CERT1: variants seen among roughly 807,000 people sequenced by gnomAD.
CERT1 encodes the protein ceramide transporter 1, also known as ceramide transfer protein.
A neutral mutation model predicts 87.9 loss-of-function variants in CERT1; 31 were observed. The ratio of observed to expected loss-of-function variants is 0.35; its 90% CI spans 0.27 to 0.48. The LOEUF (loss-of-function observed/expected upper bound fraction) is 0.48. Ranked by LOEUF, CERT1 falls within the 20% of genes least tolerant of loss-of-function variation. The pLI, the probability that CERT1 is intolerant of heterozygous loss-of-function variation, is 0.99. For synonymous variants in CERT1, 289 were observed against 250.9 expected, an observed-to-expected ratio of 1.15 and a Z score of -1.44; for missense variants, 487 against 758.0, an observed-to-expected ratio of 0.64 and a Z score of 4.20.
chr5:75,438,290 A>C (rs1029568659), intron 3 of CERT1, among the ~76,000 whole-genome samples: 1 of 152,190 alleles, frequency 6.6e-6, no homozygotes, highest in Non-Finnish European at 1.5e-5. Flanking sequence ...TGTTCTAAAA[A>C]ACTGATAAAA....
intron 2 of CERT1, among the ~76,000 whole-genome samples, chr5:75,480,645 A>G (rs1360693559): frequency 4.6e-5 from 7 of 152,184 alleles, no homozygotes; most frequent in African/African-American, 1.7e-4. Context: ...ATCTTCTGAT[A>G]ATGCCTAACA....
At chr5:75,502,136 C>CA (rs933127673) in intron 2 of CERT1, among the ~76,000 whole-genome samples, 19 of 147,008 alleles carry the variant, frequency 1.3e-4, no homozygotes, top group South Asian at 4.4e-4. Flanking sequence ...AAAGAAAAAC[C>CA]AAAAAAAAAG....
chr5:75,384,577 A>G, intron 14 of CERT1, 65 bp downstream of exon 14: 1 of 1,121,842 alleles, frequency 8.9e-7, no homozygotes, highest in Non-Finnish European at 1.3e-6. Flanking sequence ...TTTACTTTAG[A>G]GAATCTATAT....
intron 2 of CERT1, among the ~76,000 whole-genome samples, chr5:75,477,641 A>G (rs1204443882): frequency 7.6e-6 from 1 of 131,136 alleles, no homozygotes; most frequent in Non-Finnish European, 1.6e-5. Flanking sequence ...AAGGTCTAAT[A>G]AGTTGTAAAA....
chr5:75,483,475 TAAC>T (rs1416561971), intron 2 of CERT1, among the ~76,000 whole-genome samples: 26 of 152,026 alleles, frequency 1.7e-4, no homozygotes, highest in Admixed American at 1.2e-3. Context: ...TTCAAAGCGA[TAAC>T]AACAGAGAAA....
intron 3 of CERT1, among the ~76,000 whole-genome samples, chr5:75,431,958 T>C (rs1162367781): frequency 6.6e-6 from 1 of 152,178 alleles, no homozygotes; most frequent in African/African-American, 2.4e-5. Context: ...GGTCAAATGG[T>C]AGTTCTGTTT....
chr5:75,508,566 A>ATG (rs1239631389), intron 1 of CERT1, among the ~76,000 whole-genome samples: 1 of 152,090 alleles, frequency 6.6e-6, no homozygotes, highest in Non-Finnish European at 1.5e-5. Flanking sequence ...TGCTCTCATA[A>ATG]TGTTCCCTCA....
At chr5:75,412,956 A>C (rs1028678778) in intron 7 of CERT1, among the ~76,000 whole-genome samples, 1 of 152,194 alleles carries the variant, frequency 6.6e-6, no homozygotes. Context: ...TTACTTTATA[A>C]ACTTTTTAAT....
chr5:75,444,191 G>A (rs1042767781), intron 3 of CERT1, among the ~76,000 whole-genome samples: 2 of 152,034 alleles, frequency 1.3e-5, no homozygotes, highest in Admixed American at 1.3e-4. Context: ...GAGTAGCTGG[G>A]ATTACAGGCA....
At chr5:75,499,979 C>T (rs1160693745) in intron 2 of CERT1, among the ~76,000 whole-genome samples, 1 of 152,158 alleles carries the variant, frequency 6.6e-6, no homozygotes, top group Non-Finnish European at 1.5e-5. Flanking sequence ...AATGAGATAA[C>T]AGTGGAGTAG....
chr5:75,477,734 T>C (rs1766033836), intron 2 of CERT1, among the ~76,000 whole-genome samples: 1 of 151,476 alleles, frequency 6.6e-6, no homozygotes. Context: ...ATCCAGCTAT[T>C]TTAATAAGCA....
chr5:75,431,127 T>C (rs917950562), intron 3 of CERT1, among the ~76,000 whole-genome samples: 1 of 152,232 alleles, frequency 6.6e-6, no homozygotes, highest in Non-Finnish European at 1.5e-5. Flanking sequence ...AATTGCATGC[T>C]GCTGGAGTTT....
At chr5:75,428,648 G>T (rs539568412) in intron 3 of CERT1, among the ~76,000 whole-genome samples, 1 of 148,574 alleles carries the variant, frequency 6.7e-6, no homozygotes, top group Admixed American at 6.7e-5. Flanking sequence ...ACTGCAGTCT[G>T]ACATGGGTGA....
chr5:75,505,579 T>G (rs182007551), intron 2 of CERT1: 296 of 152,630 alleles, frequency 1.9e-3, no homozygotes, highest in Non-Finnish European at 3.1e-3. Context: ...GAGATGGCAT[T>G]AGCTCAATGT....
At position 75,379,144 on chromosome 5, in the gene CERT1, T is replaced by C; in HGVS notation, c.*202A>G. ...TTGCAGTGAGCCGTGATGGTGTCAT[T>C]GCACTTCAGCTTAGGAAACAGAGCA... is the stretch of plus-strand genomic sequence containing the variant. On this transcript the variant is annotated 3_prime_UTR_variant, in exon 17 of 17. Transcript: ENST00000643780. 1.9e-6 allele frequency: 1 copy of C among 512,828 alleles called. No homozygotes were observed. Among genetic ancestry groups the C allele is most frequent in the Admixed American group, 3.3e-5 (1 of 29,894 alleles). 31.8% of individuals were successfully genotyped at this position (512,828 alleles called of 1,614,324 possible).
chr5:75,400,057 G>A (rs1189992716), intron 10 of CERT1, 148 bp downstream of exon 10: 4 of 571,394 alleles, frequency 7.0e-6, no homozygotes, highest in East Asian at 3.0e-5. Context: ...TCTTGAACCC[G>A]GGAGGTGGAG....
At chr5:75,454,269 A>G (rs1764880549) in intron 3 of CERT1, among the ~76,000 whole-genome samples, 1 of 152,206 alleles carries the variant, frequency 6.6e-6, no homozygotes, top group Non-Finnish European at 1.5e-5. Context: ...CCACTTAGCT[A>G]GTATTAGTTG....
chr5:75,369,269 C>T (rs542172200), intron 17 of CERT1: 2 of 152,228 alleles, frequency 1.3e-5, no homozygotes, highest in African/African-American at 4.8e-5. Flanking sequence ...TTTATCGGAA[C>T]GCAGCCCCAT....
intron 4 of CERT1, 62 bp downstream of exon 4, chr5:75,426,309 A>C: frequency 8.5e-7 from 1 of 1,172,096 alleles, no homozygotes. Flanking sequence ...TGTTCTGTTC[A>C]CAACATCCAA....
Sources: gnomAD v4.1 joint callset for allele counts (sites outside exome capture counted in the v4.1 genomes callset) on GRCh38, gnomAD v4.1.1 for gene constraint, MANE v1.5 for transcripts, NCBI Gene and HGNC (gene_info 2026-07-23, HGNC 2026-07-21) for gene names.